TYW1B: variants seen among roughly 807,000 people sequenced by gnomAD.
TYW1B encodes S-adenosyl-L-methionine-dependent tRNA 4-demethylwyosine synthase TYW1B.
A neutral mutation model predicts 86.9 loss-of-function variants in TYW1B; 73 were observed. That is an observed-to-expected ratio of 0.84 (90% CI 0.70 to 1.02). The LOEUF (loss-of-function observed/expected upper bound fraction) is 1.02. Ranked by LOEUF, TYW1B falls within the 50% of genes least tolerant of loss-of-function variation. The pLI is 0.00. For missense variants in TYW1B, 637 were observed against 827.4 expected (o/e 0.77, Z 2.82); for synonymous variants, 248 against 292.8 (o/e 0.85, Z 1.56).
At chr7:72,774,381 GAAA>G (rs35641958) in intron 7 of TYW1B, among the ~76,000 whole-genome samples, 25 of 124,906 alleles carry the variant, frequency 2.0e-4, no homozygotes, top group African/African-American at 6.1e-4. Context: ...TGTCCCAGGG[GAAA>G]AAAAAAAAAA....
chr7:72,683,804 G>C (rs1554448802), intron 11 of TYW1B, among the ~76,000 whole-genome samples: 3 of 152,156 alleles, frequency 2.0e-5, no homozygotes, highest in African/African-American at 7.2e-5. Flanking sequence ...GGGATGTTGG[G>C]ATAACCCGAC....
In TYW1B at chr7:72,693,433, A is replaced by AG. The variant is rs1401464344; in HGVS notation, c.1506+1253dup. Among the ~76,000 whole-genome samples, 867 of 130,282 alleles carry AG rather than the reference A, an allele frequency of 6.7e-3. 11 individuals are homozygous for AG. Among genetic ancestry groups the AG allele is most frequent in the African/African-American group, 0.024 (825 of 34,712 alleles). 85.5% of individuals were successfully genotyped at this position (130,282 alleles called of 152,430 possible). A position where few individuals can be genotyped will look rare whatever the true frequency, so the allele number is the denominator to read the frequency against. ...TCTTTTTTTTTTTTTTTTTTTAGAT[A>AG]GGGGTCTCACTGTCACCCACACTGG... On this transcript the variant is annotated intron_variant, in intron 11 of 13. Transcript: ENST00000620995.
intron 11 of TYW1B, among the ~76,000 whole-genome samples, chr7:72,667,031 C>CAAGAAAAA (rs1813480761): frequency 2.4e-5 from 1 of 42,376 alleles, no homozygotes. Context: ...GACTCCGTCT[C>CAAGAAAAA]AAAAAAAAAA....
intron 11 of TYW1B, among the ~76,000 whole-genome samples, chr7:72,677,408 A>G (rs548493942): frequency 6.6e-6 from 1 of 152,008 alleles, no homozygotes; most frequent in African/African-American, 2.4e-5. Context: ...TTGGCCTCCC[A>G]AAGTACTGGG....
At chr7:72,694,434 GA>G (rs1814258280) in intron 11 of TYW1B, among the ~76,000 whole-genome samples, 1 of 152,104 alleles carries the variant, frequency 6.6e-6, no homozygotes, top group Non-Finnish European at 1.5e-5. Flanking sequence ...TTAAATGAAT[GA>G]AAGGCAAATG....
At chr7:72,675,983 A>T (rs1554447341) in intron 11 of TYW1B, among the ~76,000 whole-genome samples, 1 of 152,192 alleles carries the variant, frequency 6.6e-6, no homozygotes, top group Non-Finnish European at 1.5e-5. Context: ...TCTGGTTCAA[A>T]GAATAAATAA....
chr7:72,783,383 C>CAA (rs35804694), intron 6 of TYW1B, among the ~76,000 whole-genome samples: 1,235 of 113,112 alleles, frequency 0.011, 27 homozygotes, highest in African/African-American at 0.027. Context: ...GACTTCATCT[C>CAA]AAAAAAAAAA....
intron 6 of TYW1B, among the ~76,000 whole-genome samples, chr7:72,784,989 T>C (rs573484180): frequency 6.6e-6 from 1 of 151,850 alleles, no homozygotes; most frequent in Non-Finnish European, 1.5e-5. Flanking sequence ...CAAATATCCC[T>C]ACCCCCCAGT....
chr7:72,750,982 G>A (rs1213952226), intron 7 of TYW1B, among the ~76,000 whole-genome samples: 1 of 151,654 alleles, frequency 6.6e-6, no homozygotes, highest in African/African-American at 2.4e-5. Flanking sequence ...CTCTAAGGCT[G>A]TACTTAATGT....
chr7:72,598,781 G>A (rs1298002243), intron 13 of TYW1B, among the ~76,000 whole-genome samples: 2 of 152,136 alleles, frequency 1.3e-5, no homozygotes, highest in Non-Finnish European at 2.9e-5. Context: ...GGGTGCTTGA[G>A]CTAATCTGGG....
chr7:72,664,245 T>C (rs1813406826), intron 11 of TYW1B, among the ~76,000 whole-genome samples: 3 of 152,178 alleles, frequency 2.0e-5, no homozygotes, highest in Admixed American at 2.0e-4. Flanking sequence ...GTCAAATATT[T>C]GGGTTTCTTT....
chr7:72,711,125 C>T (rs1554454674), intron 10 of TYW1B, among the ~76,000 whole-genome samples: 2 of 152,138 alleles, frequency 1.3e-5, no homozygotes. Context: ...CCAAACTTCA[C>T]CCTCATACAC....
At chr7:72,630,844 T>C (rs1482487355) in intron 11 of TYW1B, among the ~76,000 whole-genome samples, 1 of 152,134 alleles carries the variant, frequency 6.6e-6, no homozygotes, top group Non-Finnish European at 1.5e-5. Context: ...TGCCAAAAGC[T>C]AACAAAAATA....
At chr7:72,599,620 A>G (rs879961123) in intron 13 of TYW1B, among the ~76,000 whole-genome samples, 1 of 152,150 alleles carries the variant, frequency 6.6e-6, no homozygotes, top group Admixed American at 6.6e-5. Flanking sequence ...GTGATTATAC[A>G]TGTAGAAGAT....
At chr7:72,827,010 A>T (rs368478873) in intron 1 of TYW1B, 25 bp from the exon 2 acceptor site, 2 of 1,587,642 alleles carry the variant, frequency 1.3e-6, no homozygotes, top group Non-Finnish European at 8.5e-7. Flanking sequence ...ACACACACAG[A>T]TAATTTCATT....
At chr7:72,731,390 C>A (rs1585937728) in intron 8 of TYW1B, among the ~76,000 whole-genome samples, 6 of 52,912 alleles carry the variant, frequency 1.1e-4, no homozygotes, top group Admixed American at 2.4e-4. Flanking sequence ...GACTACCAAA[C>A]TGCAAAAAAA....
At chr7:72,747,982 A>G (rs1220690231) in intron 7 of TYW1B, among the ~76,000 whole-genome samples, 3 of 152,166 alleles carry the variant, frequency 2.0e-5, no homozygotes, top group African/African-American at 7.2e-5. Flanking sequence ...GTTAATATGT[A>G]GAATACAGCC....
intron 1 of TYW1B, among the ~76,000 whole-genome samples, chr7:72,827,385 G>A (rs1788952895): frequency 6.6e-6 from 1 of 152,154 alleles, no homozygotes. Context: ...TCCAGCCTGG[G>A]CGACAGAGCA....
chr7:72,748,915 G>A (rs1787441553), intron 7 of TYW1B, among the ~76,000 whole-genome samples: 1 of 151,790 alleles, frequency 6.6e-6, no homozygotes, highest in African/African-American at 2.4e-5. Flanking sequence ...TCTTTGTCAG[G>A]TTTTATCAGG....
Sources: gnomAD v4.1 joint callset for allele counts (sites outside exome capture counted in the v4.1 genomes callset) on GRCh38, gnomAD v4.1.1 for gene constraint, MANE v1.5 for transcripts, NCBI Gene and HGNC (gene_info 2026-07-23, HGNC 2026-07-21) for gene names.